Variants in ASPM observed in about 807,000 individuals in gnomAD.
ASPM encodes abnormal spindle-like microcephaly-associated protein.
A neutral mutation model predicts 366.4 loss-of-function variants in ASPM; 256 were observed. The ratio of observed to expected loss-of-function variants is 0.70; its 90% CI spans 0.63 to 0.77. The LOEUF (loss-of-function observed/expected upper bound fraction) is 0.77, where lower values mean the gene tolerates loss of function less well. Ranked by LOEUF, ASPM falls within the 30% of genes least tolerant of loss-of-function variation. The pLI is 0.00. For synonymous variants in ASPM, 1,414 were observed against 1,342.9 expected (o/e 1.05, Z -1.16); for missense variants, 4,146 against 4,090.4 (o/e 1.01, Z -0.37).
rs1658799541 is a variant in ASPM, at chr1:197,146,659, GT to G, written c.-223del. On this transcript the variant is annotated 5_prime_UTR_variant, in exon 1 of 28. Transcript: ENST00000367409. ...AAAAGAGGAGCCAAACAAGTATGGC[GT>G]TTTGACTCTGTTTAAACTTGCCGCC... 1.7e-6 allele frequency: 1 copy of G among 600,768 alleles called. No individual in the cohort carries two copies. The highest frequency in any genetic ancestry group is 1.9e-5 in the African/African-American group (1 of 53,848). The allele number at this position is 600,768 out of a possible 1,614,324, so 37.2% of individuals were successfully genotyped here.
At chr1:197,092,130 A>C in intron 21 of ASPM, 74 bp from the exon 22 acceptor site, 1 of 1,410,998 alleles carries the variant, frequency 7.1e-7, no homozygotes, top group Admixed American at 1.7e-5. Flanking sequence ...TTTTTGTATA[A>C]CCTCAACATC....
chr1:197,120,554 A>G (rs574344565), intron 16 of ASPM, among the ~76,000 whole-genome samples: 1 of 152,230 alleles, frequency 6.6e-6, no homozygotes, highest in African/African-American at 2.4e-5. Flanking sequence ...AATCTGATTA[A>G]TACAAGGCTA....
In ASPM at chr1:197,142,714, T is replaced by C. The variant is rs151139924; in HGVS notation, c.1538A>G (p.Asn513Ser). The change falls in exon 3 of 28, where the codon AAT becomes AGT. Residue 513 changes from asparagine (N) to serine (S), a missense_variant. This residue lies in a region of ASPM where 3,624 missense variants were observed against 3,591.7 expected (regional missense o/e 1.01). Coordinates refer to ENST00000367409, the MANE Select transcript of ASPM (RefSeq NM_018136.5). ...GAGACATCTTTTTGCTTTTGGTTTA[T>C]TAATCTCAGTTTGGTTTTCTCTGGT... ...TCTRENQTEINKPKAKRCLNS... is the reference protein window; with the variant it reads ...TCTRENQTEISKPKAKRCLNS... 3 of 1,613,906 alleles carry C rather than the reference T, an allele frequency of 1.9e-6. No homozygotes were observed. Among genetic ancestry groups the C allele is most frequent in the African/African-American group, 2.7e-5 (2 of 74,938 alleles).
In ASPM at chr1:197,103,979, G is replaced by C. The variant is rs1184643785; in HGVS notation, c.5272C>G (p.Leu1758Val). 5 of 1,612,254 alleles carry C rather than the reference G, an allele frequency of 3.1e-6. No homozygotes were observed. In the Admixed American group the frequency reaches 8.4e-5, roughly 27 times the overall value. The change falls in exon 18 of 28, where the codon CTA becomes GTA. Residue 1758 changes from leucine (L) to valine (V), a missense_variant. By Grantham distance (32) the Leu-to-Val change is conservative. Around this residue, in one of 3 missense-constraint regions of ASPM, gnomAD observed 3,624 missense variants for 3,591.7 expected, o/e 1.01. Transcript: ENST00000367409. The part of the protein sequence containing the change: ...MRLQRKAVIS[L>V]QSYFRMRKAR... ...TTTCTCATTCTGAAATAAGACTGTA[G>C]TGAAATAACAGCTTTTCTTTGTAAC...
intron 3 of ASPM, among the ~76,000 whole-genome samples, chr1:197,142,094 C>T (rs1450959935): frequency 2.6e-5 from 4 of 152,052 alleles, no homozygotes; most frequent in African/African-American, 9.7e-5. Flanking sequence ...TAGGTATGTT[C>T]CTTACTATCA....
In ASPM at chr1:197,146,509, A is replaced by T; in HGVS notation, c.-72T>A. 1 of 1,541,470 alleles carries T rather than the reference A, an allele frequency of 6.5e-7. No individual in the cohort carries two copies. Among genetic ancestry groups the T allele is most frequent in the South Asian group, 1.1e-5 (1 of 88,598 alleles). ...GGCGGCTCCGGAGCGGGGATCCGGG[A>T]CTTACGCTGACCGCTTCCCCTCAGG... is the stretch of plus-strand genomic sequence containing the variant. On this transcript the variant is annotated 5_prime_UTR_variant, in exon 1 of 28. Transcript: ENST00000367409.
In ASPM at chr1:197,090,350, A is replaced by C; in HGVS notation, c.9675T>G (p.Asp3225Glu). 1 of 1,611,998 alleles carries C rather than the reference A, an allele frequency of 6.2e-7. No homozygotes were observed. The highest frequency in any genetic ancestry group is 1.7e-4 in the Middle Eastern group (1 of 5,972). ...WRGYSWRKKNDCTKIKAIRLS... is the reference protein window; with the variant it reads ...WRGYSWRKKNECTKIKAIRLS... ...GTCGTATAGCTTTAATTTTTGTACA[A>C]TCATTTTTCTTCCTCCAAGAATAGC... Residue 3225 changes from aspartate (D) to glutamate (E), a missense_variant, in exon 24 of 28, where the codon GAT (aspartate) becomes GAG (glutamate). Physicochemically the swap from Asp to Glu is conservative, Grantham distance 45. Coordinates refer to ENST00000367409, the MANE Select transcript of ASPM (RefSeq NM_018136.5).
intron 4 of ASPM, chr1:197,138,755 T>C: frequency 1.4e-6 from 1 of 721,706 alleles, no homozygotes; most frequent in Non-Finnish European, 2.5e-6. Flanking sequence ...CGATTATTTC[T>C]TACGATGTTT....
At position 197,102,146 on chromosome 1, in the gene ASPM, G is replaced by A. The variant is rs751436140; in HGVS notation, c.7105C>T (p.Gln2369Ter). The A allele has an allele frequency of 3.1e-6, 5 of 1,612,784 alleles. No individual in the cohort carries two copies. The highest frequency in any genetic ancestry group is 3.4e-6 in the Non-Finnish European group (4 of 1,179,248). Residue 2369 changes from glutamine to a stop codon, truncating the protein, a stop_gained, in exon 18 of 28, where the codon CAA becomes TAA. Coordinates refer to ENST00000367409, the MANE Select transcript of ASPM (RefSeq NM_018136.5). LOFTEE classifies it high-confidence loss of function. ...QASVVIQQQYQANRAAKLQRQ... is the reference protein window; with the variant it reads ...QASVVIQQQY ...TGCAGTTTTGCAGCTCTATTTGCTT[G>A]GTATTGCTGTTGGATCACAACGGAG...
rs748396828 is a variant in ASPM, at chr1:197,101,428, A to G, written c.7823T>C (p.Val2608Ala). The change falls in exon 18 of 28, where the codon GTT (valine) becomes GCT (alanine). Residue 2608 changes from valine to alanine, a missense_variant. Val to Ala is a moderately conservative substitution (Grantham distance 64). Transcript: ENST00000367409. ...QHNELKKETCVQAGFQDMNIK... is the reference protein window; with the variant it reads ...QHNELKKETCAQAGFQDMNIK... ...GTTCATGTCCTGAAAACCTGCCTGA[A>G]CACAAGTCTCTTTCTTAAGTTCATT... 6.2e-7 allele frequency: 1 copy of G among 1,608,674 alleles called. No individual in the cohort carries two copies. The highest frequency in any genetic ancestry group is 8.5e-7 in the Non-Finnish European group (1 of 1,179,010).
chr1:197,099,599 T>G (rs1019142273), intron 18 of ASPM, among the ~76,000 whole-genome samples: 1 of 151,754 alleles, frequency 6.6e-6, no homozygotes, highest in East Asian at 1.9e-4. Flanking sequence ...ATAATTATAC[T>G]TCCTTGTTCA....
rs1557957262 is a variant in ASPM, at chr1:197,125,198, G to A, written c.2937-7C>T. 7 of 1,613,558 alleles carry A rather than the reference G, an allele frequency of 4.3e-6. No homozygotes were observed. Among genetic ancestry groups the A allele is most frequent in the Non-Finnish European group, 5.9e-6 (7 of 1,179,690 alleles). The stretch of plus-strand genomic sequence containing the variant: ...GAGAAGTTCCATGGTTCGCCTGGCA[G>A]TAATAAAATGTTCAGATGAAATTAT... On this transcript the variant is annotated splice_region_variant and splice_polypyrimidine_tract_variant and intron_variant, in intron 10 of 27. Transcript: ENST00000367409.
intron 10 of ASPM, among the ~76,000 whole-genome samples, chr1:197,127,086 CTTCTG>C (rs958999094): frequency 6.6e-5 from 10 of 152,174 alleles, no homozygotes; most frequent in African/African-American, 2.4e-4. Flanking sequence ...AGAGTTTTCT[CTTCTG>C]TTCTATTTCT....
chr1:197,100,351 A>T, intron 18 of ASPM, 80 bp downstream of exon 18: 1 of 1,006,260 alleles, frequency 9.9e-7, no homozygotes, highest in Non-Finnish European at 1.4e-6. Context: ...TGACCTGCTT[A>T]AGCTCATTTT....
At chr1:197,119,199 G>C (rs1427315179) in intron 16 of ASPM, among the ~76,000 whole-genome samples, 1 of 152,176 alleles carries the variant, frequency 6.6e-6, no homozygotes, top group Non-Finnish European at 1.5e-5. Context: ...AGAAAGAGTA[G>C]ACAATTCCAA....
chr1:197,140,642 C>G (rs1205515940), intron 3 of ASPM, among the ~76,000 whole-genome samples: 3 of 152,194 alleles, frequency 2.0e-5, no homozygotes, highest in Non-Finnish European at 4.4e-5. Flanking sequence ...CTATTAATCA[C>G]TTTGAAGCAC....
At chr1:197,122,350 A>G (rs1366706666) in intron 14 of ASPM, 38 bp downstream of exon 14, 2 of 1,613,270 alleles carry the variant, frequency 1.2e-6, no homozygotes, top group African/African-American at 1.3e-5. Flanking sequence ...CAAATCAGAC[A>G]TGGCAAAAAA....
rs886525024 is a variant in ASPM, at chr1:197,100,908, T to G, written c.8343A>C (p.Lys2781Asn). The change falls in exon 18 of 28, where the codon AAA becomes AAC. Residue 2781 changes from lysine (K) to asparagine (N), a missense_variant. Transcript: ENST00000367409. ...NQSALCCYRS[K>N]TQYEAVQSEG... ...CACTTTGAACAGCTTCATACTGAGTTTTACTTCTGTAACAGCAGAGTGCAG... is the reference window on the plus strand; with the variant it reads ...CACTTTGAACAGCTTCATACTGAGTGTTACTTCTGTAACAGCAGAGTGCAG... The G allele has an allele frequency of 1.4e-5, 22 of 1,612,604 alleles. No homozygotes were observed. The African/African-American group carries it at 1.9e-4, about 14-fold the overall frequency.
Position 197,090,212 on chromosome 1 carries a change from C to T in ASPM, c.9813G>A (p.Glu3271=), listed in dbSNP as rs1298011682. The change falls in exon 24 of 28, where the codon GAG becomes GAA. Residue 3271 remains glutamate (E), a synonymous_variant. Transcript: ENST00000367409. The part of the protein sequence containing the change: ...LTYKHLSAIL[E]ALKHLEVVTR... Reference sequence around the variant, plus strand: ...CAAACTAACCTAGGTGTTTTAAGGCCTCAAGAATGGCAGAAAGGTGCTTAT... The same window carrying T: ...CAAACTAACCTAGGTGTTTTAAGGCTTCAAGAATGGCAGAAAGGTGCTTAT... 3 of 1,613,412 alleles carry T rather than the reference C, an allele frequency of 1.9e-6. No individual in the cohort carries two copies. Among genetic ancestry groups the T allele is most frequent in the Middle Eastern group, 1.7e-4 (1 of 6,052 alleles).
Sources: allele counts gnomAD v4.1 joint callset (sites outside exome capture counted in the v4.1 genomes callset), GRCh38; gene constraint gnomAD v4.1.1; regional missense constraint gnomAD v4.1.1; transcripts MANE v1.5; gene names NCBI Gene and HGNC (gene_info 2026-07-23, HGNC 2026-07-21).